Variants in ZC3H7A observed in about 807,000 individuals in gnomAD.
ZC3H7A encodes zinc finger CCCH-type containing 7A.
ZC3H7A carries 44 observed loss-of-function variants against 125.5 expected under a neutral mutation model. The ratio of observed to expected loss-of-function variants is 0.35; its 90% CI spans 0.28 to 0.45. The LOEUF is 0.45. ZC3H7A is among the 20% of genes least tolerant of loss of function. The pLI is 1.00. For missense variants in ZC3H7A, 977 were observed against 1,170.7 expected (o/e 0.83, Z 2.41); for synonymous variants, 399 against 391.2 (o/e 1.02, Z -0.23).
intron 20 of ZC3H7A, among the ~76,000 whole-genome samples, chr16:11,757,639 G>C (rs1268371693): frequency 6.6e-6 from 1 of 152,018 alleles, no homozygotes; most frequent in East Asian, 1.9e-4. Context: ...AGATAAACTA[G>C]AAATGCTTCT....
rs755545958 is a variant in ZC3H7A at position 11,765,735 on chromosome 16, T to C, written c.1523-50A>G. 6.5e-7 allele frequency: 1 copy of C among 1,545,686 alleles called. No individual in the cohort carries two copies. The highest frequency in any genetic ancestry group is 1.2e-5 in the South Asian group (1 of 81,846). The stretch of plus-strand genomic sequence containing the variant: ...CATTGAAAACATGGCAATTGGCCTG[T>C]ACTCCCAGCTACTTGGGAGGCTGAG... On this transcript the variant is annotated intron_variant, in intron 13 of 22. Transcript: ENST00000355758. This position sits in a 1 kb window ranked among gnomAD's most constrained non-coding sequence, Gnocchi z 4.8.
chr16:11,768,862 A>C (rs1473260793), intron 11 of ZC3H7A, among the ~76,000 whole-genome samples, 169 bp downstream of exon 11: 2 of 152,192 alleles, frequency 1.3e-5, no homozygotes, highest in African/African-American at 2.4e-5. Context: ...TCAAGTCTTA[A>C]ACACAGAGCC....
At chr16:11,785,823 G>GT (rs1567393670) in intron 1 of ZC3H7A, among the ~76,000 whole-genome samples, 1 of 152,168 alleles carries the variant, frequency 6.6e-6, no homozygotes, top group Non-Finnish European at 1.5e-5. Context: ...GTTTCACCGC[G>GT]TTAGCCAGGA....
intron 1 of ZC3H7A, among the ~76,000 whole-genome samples, chr16:11,791,092 C>G (rs1429421975): frequency 8.1e-6 from 1 of 123,728 alleles, no homozygotes; most frequent in African/African-American, 2.9e-5. Context: ...TTTTAAAACA[C>G]ACACACACAC....
chr16:11,762,439 AC>A (rs2141170853), intron 17 of ZC3H7A, among the ~76,000 whole-genome samples: 1 of 152,296 alleles, frequency 6.6e-6, no homozygotes, highest in East Asian at 1.9e-4. Context: ...TGTCAATTAA[AC>A]TAAATAAGAA....
Position 11,781,332 on chromosome 16 carries a change from G to A in ZC3H7A, c.108+93C>T, listed in dbSNP as rs913286881. On this transcript the variant is annotated intron_variant, in intron 3 of 22. Transcript: ENST00000355758. ...ATAAAAGGACAGCAGGCCAGATTGG[G>A]CCCACAAGGCCATCATTTGCCAACC... is the stretch of plus-strand genomic sequence containing the variant. The A allele has an allele frequency of 2.1e-5, 26 of 1,233,674 alleles. No individual in the cohort carries two copies. In the African/African-American group the frequency reaches 2.9e-4, roughly 14 times the overall value. The allele number at this position is 1,233,674 out of a possible 1,614,324, so 76.4% of individuals were successfully genotyped here. A position where few individuals can be genotyped will look rare whatever the true frequency, so the allele number is the denominator to read the frequency against.
At chr16:11,768,573 T>A in intron 11 of ZC3H7A, 72 bp from the exon 12 acceptor site, 22 of 1,204,634 alleles carry the variant, frequency 1.8e-5, no homozygotes, top group Middle Eastern at 2.6e-4. Context: ...AGAAAGGAAC[T>A]GAATTCATCT....
intron 22 of ZC3H7A, 41 bp from the exon 23 acceptor site, chr16:11,751,547 T>C (rs766725556): frequency 6.4e-7 from 1 of 1,564,638 alleles, no homozygotes; most frequent in Non-Finnish European, 8.6e-7. Context: ...ATATAAGTTG[T>C]TTCTAAAAAT....
chr16:11,754,877 G>A (rs145084502), intron 21 of ZC3H7A, among the ~76,000 whole-genome samples: 6,775 of 129,758 alleles, frequency 0.052, 236 homozygotes, highest in Middle Eastern at 0.14. Context: ...GGGCGACAGA[G>A]CGAGACTCCG....
intron 9 of ZC3H7A, among the ~76,000 whole-genome samples, chr16:11,772,984 C>T (rs1046581379): frequency 6.6e-6 from 1 of 151,806 alleles, no homozygotes; most frequent in East Asian, 1.9e-4. Context: ...CGCCACTGCA[C>T]CCAGCAGAAA....
chr16:11,765,511 C>T lies in ZC3H7A; in HGVS notation c.1697G>A (p.Gly566Glu). Residue 566 changes from glycine (G) to glutamate (E), a missense_variant, in exon 14 of 23, where the codon GGG becomes GAG. Gly to Glu is a moderately conservative substitution (Grantham distance 98, BLOSUM62 -2). Coordinates refer to ENST00000355758, the MANE Select transcript of ZC3H7A (RefSeq NM_014153.4). This position sits in a 1 kb window ranked among gnomAD's most constrained non-coding sequence, Gnocchi z 4.8. ...TVFKLLQEHL[G>E]EFIFLCEKCF... is the part of the protein sequence containing the mutation. ...CACCTCACAAAGGAATATAAATTCC[C>T]CAAGATGCTCCTGGAGAAGTTTGAA... 1 of 1,613,052 alleles carries T rather than the reference C, an allele frequency of 6.2e-7. No homozygotes were observed. The highest frequency in any genetic ancestry group is 8.5e-7 in the Non-Finnish European group (1 of 1,179,472).
chr16:11,774,117 T>C (rs1428050429), intron 9 of ZC3H7A, 119 bp downstream of exon 9: 8 of 997,316 alleles, frequency 8.0e-6, no homozygotes, highest in African/African-American at 1.7e-5. Flanking sequence ...ACTTTCAAGG[T>C]TAAAAAAACC....
chr16:11,771,205 C>A (rs576458667), intron 9 of ZC3H7A, among the ~76,000 whole-genome samples: 4 of 151,952 alleles, frequency 2.6e-5, no homozygotes, highest in East Asian at 1.9e-4. Context: ...CTGGGCAACA[C>A]GGTGAAACTC....
At chr16:11,772,458 T>C (rs1279920614) in intron 9 of ZC3H7A, among the ~76,000 whole-genome samples, 1 of 151,734 alleles carries the variant, frequency 6.6e-6, no homozygotes, top group Admixed American at 6.6e-5. Flanking sequence ...AACAGCTCTC[T>C]CAGATACATC....
In ZC3H7A at chr16:11,770,993, G is replaced by GAAAAAA. The variant is rs1229638121; in HGVS notation, c.904-7_904-6insTTTTTT. ...CCTCTGACTAAAGCTGACGGCTGCG[G>GAAAAAA]AAGAAAAAAAGATGTGATTAAAATT... On this transcript the variant is annotated splice_region_variant and splice_polypyrimidine_tract_variant and intron_variant, in intron 9 of 22. Coordinates refer to ENST00000355758, the MANE Select transcript of ZC3H7A (RefSeq NM_014153.4). 1.3e-6 allele frequency: 2 copies of GAAAAAA among 1,583,634 alleles called. No individual in the cohort carries two copies. The highest frequency in any genetic ancestry group is 1.9e-5 in the Admixed American group (1 of 51,750).
chr16:11,773,296 C>T (rs2053019651), intron 9 of ZC3H7A, among the ~76,000 whole-genome samples: 1 of 151,924 alleles, frequency 6.6e-6, no homozygotes, highest in South Asian at 2.1e-4. Context: ...CCTCTACCCT[C>T]AGCCTTCCAA....
Position 11,776,333 on chromosome 16 carries a change from T to G in ZC3H7A, c.572A>C (p.Asp191Ala), listed in dbSNP as rs778504883. The G allele has an allele frequency of 6.2e-7, 1 of 1,608,228 alleles. No homozygotes were observed. The highest frequency in any genetic ancestry group is 1.7e-5 in the Admixed American group (1 of 58,938). Residue 191 changes from aspartate to alanine, a missense_variant, in exon 7 of 23, where the codon GAT (aspartate) becomes GCT (alanine). Asp to Ala is a moderately radical substitution (Grantham distance 126, BLOSUM62 -2). This residue lies in a region of ZC3H7A where 199 missense variants were observed against 256.1 expected (regional missense o/e 0.78). Transcript: ENST00000355758. ...AELSLKSVPG[D>A]GATKALNHSV... ...AAATAACTTTACCTTGGTAGCCCCATCCCCAGGAACTGATTTTAATGAGAG... is the reference window on the plus strand; with the variant it reads ...AAATAACTTTACCTTGGTAGCCCCAGCCCCAGGAACTGATTTTAATGAGAG...
intron 16 of ZC3H7A, 149 bp downstream of exon 16, chr16:11,763,329 G>A (rs2052785531): frequency 4.3e-6 from 3 of 696,714 alleles, no homozygotes; most frequent in Non-Finnish European, 4.5e-6. Flanking sequence ...GACTGGTCTT[G>A]AACTCCTGAC....
intron 17 of ZC3H7A, 70 bp downstream of exon 17, chr16:11,762,601 C>G: frequency 6.9e-7 from 1 of 1,446,564 alleles, no homozygotes. Context: ...CTGCATCCAC[C>G]AACAACCAAC....
Sources: gnomAD v4.1 joint callset for allele counts (sites outside exome capture counted in the v4.1 genomes callset) on GRCh38, gnomAD v4.1.1 for gene constraint, gnomAD v4.1.1 regional missense constraint, Gnocchi (gnomAD v3.1) non-coding constraint, MANE v1.5 for transcripts, NCBI Gene and HGNC (gene_info 2026-07-23, HGNC 2026-07-21) for gene names.